SLX4IP: variants seen among roughly 807,000 people sequenced by gnomAD.
The protein encoded by SLX4IP is protein SLX4IP.
In SLX4IP, 34 loss-of-function variants were observed where a neutral mutation model predicts 32.9. The ratio of observed to expected loss-of-function variants is 1.03; its 90% confidence interval spans 0.79 to 1.38. SLX4IP has a LOEUF of 1.38. SLX4IP is among the 40% of genes most tolerant of loss of function. SLX4IP has a pLI of 0.00. For missense variants in SLX4IP, 444 were observed against 479.0 expected (o/e 0.93, Z 0.68); for synonymous variants, 172 against 171.7 (o/e 1.00, Z -0.01).
At chr20:10,567,977 GTC>G (rs1255350331) in intron 4 of SLX4IP, among the ~76,000 whole-genome samples, 1 of 152,152 alleles carries the variant, frequency 6.6e-6, no homozygotes. Context: ...GCCTTTTCAG[GTC>G]TCTCATAGTG....
intron 6 of SLX4IP, 89 bp from the exon 7 acceptor site, chr20:10,621,225 G>A: frequency 8.8e-7 from 1 of 1,140,276 alleles, no homozygotes; most frequent in Non-Finnish European, 1.3e-6. Flanking sequence ...AAAAATAAAT[G>A]TGTTCATTGG....
chr20:10,608,980 C>T (rs1315016952), intron 6 of SLX4IP, among the ~76,000 whole-genome samples: 1 of 152,078 alleles, frequency 6.6e-6, no homozygotes, highest in Non-Finnish European at 1.5e-5. Flanking sequence ...AAGTGATAAA[C>T]CCCCATTTAG....
chr20:10,590,200 CTAAT>C (rs1412079275), intron 4 of SLX4IP, among the ~76,000 whole-genome samples: 3 of 151,962 alleles, frequency 2.0e-5, no homozygotes, highest in Non-Finnish European at 2.9e-5. Flanking sequence ...AGACCTTTTC[CTAAT>C]TAATTATGAA....
intron 4 of SLX4IP, among the ~76,000 whole-genome samples, chr20:10,585,139 GCA>G (rs2066631043): frequency 1.3e-5 from 2 of 152,094 alleles, no homozygotes; most frequent in African/African-American, 4.8e-5. Flanking sequence ...TCTCATCTTT[GCA>G]AAGTTCCCAG....
chr20:10,449,088 A>G (rs2065222903), intron 1 of SLX4IP, among the ~76,000 whole-genome samples: 1 of 152,198 alleles, frequency 6.6e-6, no homozygotes. Flanking sequence ...TCAGATTTCA[A>G]TTCACCGTTT....
chr20:10,494,318 G>A (rs1282954554), intron 2 of SLX4IP, among the ~76,000 whole-genome samples: 4 of 150,944 alleles, frequency 2.6e-5, no homozygotes, highest in South Asian at 2.1e-4. Flanking sequence ...GCGGAGGATG[G>A]AAATAAAGCT....
intron 1 of SLX4IP, among the ~76,000 whole-genome samples, chr20:10,450,729 T>C (rs915947567): frequency 6.6e-6 from 1 of 152,220 alleles, no homozygotes; most frequent in African/African-American, 2.4e-5. Context: ...ATAATAATTA[T>C]CAATACTCAT....
intron 2 of SLX4IP, among the ~76,000 whole-genome samples, chr20:10,523,108 T>C (rs1024757767): frequency 1.3e-5 from 2 of 152,180 alleles, no homozygotes; most frequent in African/African-American, 4.8e-5. Flanking sequence ...ATTGTTCCTC[T>C]GTAGCAGACC....
chr20:10,564,032 C>A (rs1002315651), intron 4 of SLX4IP, among the ~76,000 whole-genome samples: 1 of 152,098 alleles, frequency 6.6e-6, no homozygotes, highest in Non-Finnish European at 1.5e-5. Context: ...CATTGTGGAC[C>A]CAGCTCGACC....
At chr20:10,593,287 G>A (rs2066733602) in intron 4 of SLX4IP, among the ~76,000 whole-genome samples, 1 of 152,028 alleles carries the variant, frequency 6.6e-6, no homozygotes, top group Non-Finnish European at 1.5e-5. Context: ...AAATTTTCAG[G>A]TCATCTGTAT....
chr20:10,572,946 C>T (rs2066482279), intron 4 of SLX4IP, among the ~76,000 whole-genome samples: 1 of 152,222 alleles, frequency 6.6e-6, no homozygotes, highest in African/African-American at 2.4e-5. Context: ...TGTGTGTTCA[C>T]ACGACAAGAG....
chr20:10,531,579 T>C (rs1462570594), intron 2 of SLX4IP, among the ~76,000 whole-genome samples: 2 of 152,226 alleles, frequency 1.3e-5, no homozygotes, highest in Non-Finnish European at 2.9e-5. Context: ...ACAAAGTCCT[T>C]GGTCTCATGG....
rs568481364 is a variant in SLX4IP at position 10,627,766 on chromosome 20, A to G, written c.*4387A>G. 10 of 152,376 alleles carry G rather than the reference A, an allele frequency of 6.6e-5. No homozygotes were observed. Among genetic ancestry groups the G allele is most frequent in the South Asian group, 4.1e-4 (2 of 4,834 alleles). 9.4% of individuals were successfully genotyped at this position (152,376 alleles called of 1,614,324 possible). On this transcript the variant is annotated 3_prime_UTR_variant, in exon 8 of 8. Transcript: ENST00000334534. The stretch of plus-strand genomic sequence containing the variant: ...TAATTCTTTGCTTGAGCAAAAATCA[A>G]TAAAACCTTATGTTTGACCCTAAAG...
At chr20:10,492,661 A>G (rs1438829563) in intron 2 of SLX4IP, among the ~76,000 whole-genome samples, 1 of 152,158 alleles carries the variant, frequency 6.6e-6, no homozygotes, top group African/African-American at 2.4e-5. Flanking sequence ...ATATGGACTG[A>G]TATATCAGTC....
chr20:10,479,638 G>C (rs373879917), intron 2 of SLX4IP, among the ~76,000 whole-genome samples: 2 of 54,668 alleles, frequency 3.7e-5, no homozygotes, highest in Admixed American at 2.5e-4. Context: ...CGTGAGCCAC[G>C]TCCCGGCTCG....
In SLX4IP at chr20:10,625,672, C is replaced by T. The variant is rs1316787291; in HGVS notation, c.*2293C>T. 3 of 152,024 alleles carry T rather than the reference C, an allele frequency of 2.0e-5. No individual in the cohort carries two copies. The highest frequency in any genetic ancestry group is 6.6e-5 in the Admixed American group (1 of 15,266). The allele number at this position is 152,024 out of a possible 1,614,324, so 9.4% of individuals were successfully genotyped here. A position where few individuals can be genotyped will look rare whatever the true frequency, so the allele number is the denominator to read the frequency against. ...TTGGGGATATAACAATTACTGTGAT[C>T]GAAGAGAAAAAATAGCACCTTTGGT... On this transcript the variant is annotated 3_prime_UTR_variant, in exon 8 of 8. Transcript: ENST00000334534.
chr20:10,599,089 A>G (rs904750195), intron 5 of SLX4IP, among the ~76,000 whole-genome samples: 1 of 152,186 alleles, frequency 6.6e-6, no homozygotes, highest in Admixed American at 6.5e-5. Context: ...TGTGTACACA[A>G]GAAAGCTCTT....
At chr20:10,493,842 G>GT (rs370265909) in intron 2 of SLX4IP, among the ~76,000 whole-genome samples, 1 of 84,900 alleles carries the variant, frequency 1.2e-5, no homozygotes, top group African/African-American at 4.2e-5. Context: ...TTACTGAAGT[G>GT]TTTTTTTTAT....
intron 2 of SLX4IP, among the ~76,000 whole-genome samples, chr20:10,504,892 T>A (rs1213374989): frequency 6.6e-6 from 1 of 152,092 alleles, no homozygotes; most frequent in Non-Finnish European, 1.5e-5. Flanking sequence ...AGGAAAACTG[T>A]TCCGACCTAT....
Sources: allele counts gnomAD v4.1 joint callset (sites outside exome capture counted in the v4.1 genomes callset), GRCh38; gene constraint gnomAD v4.1.1; transcripts MANE v1.5; gene names NCBI Gene and HGNC (gene_info 2026-07-23, HGNC 2026-07-21).